The following C11orf65 variants were observed in gnomAD, a reference collection of about 807,000 sequenced individuals.
C11orf65 encodes chromosome 11 open reading frame 65, also known as protein MFI.
In C11orf65, 38 loss-of-function variants were observed where a neutral mutation model predicts 35.3. The observed-to-expected ratio is 1.08, with a 90% CI of 0.83 to 1.41. The LOEUF (loss-of-function observed/expected upper bound fraction) is 1.41. C11orf65 is among the 40% of genes most tolerant of loss of function. The pLI is 0.00. For missense variants in C11orf65, 370 were observed against 367.1 expected, an observed-to-expected ratio of 1.01 and a Z score of -0.06; for synonymous variants, 105 against 114.4, an observed-to-expected ratio of 0.92 and a Z score of 0.53.
chr11:108,405,557 A>T lies in C11orf65; in HGVS notation c.432T>A (p.Phe144Leu). 6.2e-7 allele frequency: 1 copy of T among 1,611,574 alleles called. No individual in the cohort carries two copies. The highest frequency in any genetic ancestry group is 8.5e-7 in the Non-Finnish European group (1 of 1,179,388). The change falls in exon 6 of 9, where the codon TTT (phenylalanine) becomes TTA (leucine). Residue 144 changes from phenylalanine (F) to leucine (L), a missense_variant and splice_region_variant. Transcript: ENST00000393084. ...CCACCATACCATCAGTAGATAGCCAAAACTATTGAGAAACAAAAATGAACA... is the reference window on the plus strand; with the variant it reads ...CCACCATACCATCAGTAGATAGCCATAACTATTGAGAAACAAAAATGAACA... ...NNGWRPVSDTFWLSTDGMVVE... is the reference protein window; with the variant it reads ...NNGWRPVSDTLWLSTDGMVVE...
At chr11:108,453,432 A>G (rs1417352919) in intron 2 of C11orf65, among the ~76,000 whole-genome samples, 2 of 152,118 alleles carry the variant, frequency 1.3e-5, no homozygotes. Context: ...AATGGTCTAA[A>G]CATGCTAATT....
intron 2 of C11orf65, chr11:108,365,603 T>TA: frequency 7.1e-7 from 1 of 1,414,944 alleles, no homozygotes; most frequent in Non-Finnish European, 9.6e-7. Flanking sequence ...TAGGGATTAA[T>TA]ATTTAAGTGA....
chr11:108,462,145 T>C (rs12293324), intron 1 of C11orf65, among the ~76,000 whole-genome samples: 4,048 of 152,212 alleles, frequency 0.027, 186 homozygotes, highest in African/African-American at 0.091. Flanking sequence ...TTAGGCTCGA[T>C]TGCTCCTCCT....
chr11:108,462,975 CA>C (rs2093490286), intron 1 of C11orf65, among the ~76,000 whole-genome samples: 2 of 151,590 alleles, frequency 1.3e-5, no homozygotes, highest in African/African-American at 4.9e-5. Flanking sequence ...GCAACAACAA[CA>C]AAAAGCTGGG....
In C11orf65 at chr11:108,409,586, T is replaced by C. The variant is rs117218686; in HGVS notation, c.175-2437A>G. Among the ~76,000 whole-genome samples the C allele has an allele frequency of 3.2e-3, 487 of 152,254 alleles. 2 individuals are homozygous for C. The highest frequency in any genetic ancestry group is 5.2e-3 in the Non-Finnish European group (355 of 68,002). On this transcript the variant is annotated intron_variant, in intron 3 of 8. Transcript: ENST00000393084. ...CTGGGCAGTGGCAGCAAGCCACAGC[T>C]TCCAGTCAGCCACATGATCATGAGG...
At chr11:108,378,309 C>T (rs1374443870), downstream of C11orf65, among the ~76,000 whole-genome samples, 12 of 145,110 alleles carry the variant, frequency 8.3e-5, no homozygotes, top group Admixed American at 1.4e-4. Flanking sequence ...CAGAACAGAG[C>T]CCTCAGAAAT....
At chr11:108,331,018 A>C (rs900186306), downstream of C11orf65, among the ~76,000 whole-genome samples, 1 of 152,210 alleles carries the variant, frequency 6.6e-6, no homozygotes, top group Non-Finnish European at 1.5e-5. Context: ...GAAAATAATA[A>C]GACTCATAAT....
intron 3 of C11orf65, among the ~76,000 whole-genome samples, chr11:108,408,697 A>ATAAAATAAAATAAAAAAT (rs2092596939): frequency 9.3e-6 from 1 of 107,134 alleles, no homozygotes; most frequent in South Asian, 2.9e-4. Flanking sequence ...ATAAAATAAA[A>ATAAAATAAAATAAAAAAT]TAAAATAAAA....
At chr11:108,317,339 TACTTA>T (rs747141227) in intron 6 of C11orf65, 8 of 1,600,008 alleles carry the variant, frequency 5.0e-6, no homozygotes, top group Middle Eastern at 1.7e-4. Context: ...TATCTTTGAT[TACTTA>T]ACTTAAAAAC....
At chr11:108,378,077 A>G (rs1158658907), downstream of C11orf65, among the ~76,000 whole-genome samples, 1 of 151,988 alleles carries the variant, frequency 6.6e-6, no homozygotes, top group Non-Finnish European at 1.5e-5. Context: ...TATAGATTCA[A>G]TGCCATCCTC....
chr11:108,377,649 G>A (rs1209654070), intron 2 of C11orf65, among the ~76,000 whole-genome samples: 1 of 150,960 alleles, frequency 6.6e-6, no homozygotes, highest in Non-Finnish European at 1.5e-5. Flanking sequence ...GGCAGGAGAA[G>A]GAAATAAAGG....
At chr11:108,334,566 A>C (rs1445253537) in intron 3 of C11orf65, among the ~76,000 whole-genome samples, 1 of 152,202 alleles carries the variant, frequency 6.6e-6, no homozygotes, top group African/African-American at 2.4e-5. Flanking sequence ...TTTAGTGCTT[A>C]GTATCTAGTT....
chr11:108,378,343 T>G (rs2091782590), downstream of C11orf65, among the ~76,000 whole-genome samples: 1 of 144,522 alleles, frequency 6.9e-6, no homozygotes, highest in South Asian at 2.3e-4. Flanking sequence ...TACAACTATC[T>G]GATCTTTGAC....
chr11:108,467,463 T>G lies in C11orf65; in HGVS notation c.-10+8A>C, dbSNP rs75569151. 4 of 152,324 alleles carry G rather than the reference T, an allele frequency of 2.6e-5. No homozygotes were observed. The highest frequency in any genetic ancestry group is 7.2e-5 in the African/African-American group (3 of 41,384). 9.4% of individuals were successfully genotyped at this position (152,324 alleles called of 1,614,324 possible). ...GCTGAGAGAAGGGACACTATTCCCT[T>G]CACCTACCAATCGCTGCTGGCCCGG... On this transcript the variant is annotated splice_region_variant and intron_variant, in intron 1 of 8. Coordinates refer to ENST00000393084, the MANE Select transcript of C11orf65 (RefSeq NM_152587.5).
chr11:108,463,333 T>C (rs1386472973), intron 1 of C11orf65, among the ~76,000 whole-genome samples: 1 of 152,240 alleles, frequency 6.6e-6, no homozygotes, highest in Non-Finnish European at 1.5e-5. Context: ...TTGCCATTTT[T>C]CCCTTTTGAC....
intron 3 of C11orf65, among the ~76,000 whole-genome samples, chr11:108,428,141 A>G (rs1444043782): frequency 1.3e-5 from 2 of 152,102 alleles, no homozygotes; most frequent in East Asian, 1.9e-4. Context: ...AATGGCAATC[A>G]TTAAAAAGTC....
downstream of C11orf65, among the ~76,000 whole-genome samples, chr11:108,378,883 A>C (rs1243628532): frequency 6.6e-6 from 1 of 151,830 alleles, no homozygotes; most frequent in Admixed American, 6.6e-5. Flanking sequence ...AAAAATGCTC[A>C]TCATCACTGG....
Position 108,359,317 on chromosome 11 carries a change from A to G in C11orf65, c.227-24025T>C, listed in dbSNP as rs537969684. On this transcript the variant is annotated intron_variant, in intron 2 of 3. Coordinates refer to the C11orf65 transcript ENST00000524755. ...AAAGCAAGTCCTGAGTGACCTACAA[A>G]GAGACTTAGAATCCCACACATTAAT... Among the ~76,000 whole-genome samples, 467 of 152,124 alleles carry G rather than the reference A, an allele frequency of 3.1e-3. 1 individual carries two copies. The highest frequency in any genetic ancestry group is 0.011 in the African/African-American group (450 of 41,488).
intron 6 of C11orf65, among the ~76,000 whole-genome samples, chr11:108,315,442 CAT>C (rs1429474317): frequency 6.6e-6 from 1 of 152,024 alleles, no homozygotes; most frequent in Non-Finnish European, 1.5e-5. Context: ...TGAAATGTAT[CAT>C]ATCAAATGTA....
Sources: gnomAD v4.1 joint callset for allele counts (sites outside exome capture counted in the v4.1 genomes callset) on GRCh38, gnomAD v4.1.1 for gene constraint, MANE v1.5 for transcripts, NCBI Gene and HGNC (gene_info 2026-07-23, HGNC 2026-07-21) for gene names.